Variants in GSE1 observed in about 807,000 individuals in gnomAD.
GSE1 encodes the protein Gse1 coiled-coil protein.
A neutral mutation model predicts 112.6 loss-of-function variants in GSE1; 32 were observed. The ratio of observed to expected loss-of-function variants is 0.28; its 90% CI spans 0.21 to 0.38. The LOEUF is 0.38. GSE1 is among the 10% of genes least tolerant of loss of function. The probability of loss-of-function intolerance (pLI) is 1.00; values close to 1 mark genes in which losing one functional copy is unlikely to be tolerated. For missense variants in GSE1, 2,348 were observed against 1,699.2 expected (o/e 1.38, Z -6.71); for synonymous variants, 1,115 against 735.6 (o/e 1.52, Z -8.35).
chr16:85,546,823 C>T (rs964900918), intron 2 of GSE1, among the ~76,000 whole-genome samples: 14 of 152,354 alleles, frequency 9.2e-5, no homozygotes, highest in African/African-American at 2.9e-4. Context: ...TCGTTACTGT[C>T]ACCCCTGGCC....
chr16:85,662,376 C>G (rs1358166696), intron 9 of GSE1: 1 of 153,594 alleles, frequency 6.5e-6, no homozygotes, highest in African/African-American at 2.4e-5. Context: ...TGATGCTGAA[C>G]ACTCAGGTCC....
At chr16:85,258,328 C>G (rs1475059134) in intron 1 of GSE1, among the ~76,000 whole-genome samples, 1 of 152,178 alleles carries the variant, frequency 6.6e-6, no homozygotes, top group Non-Finnish European at 1.5e-5. Flanking sequence ...TGATCTCAGC[C>G]GAGCATCTGT....
chr16:85,586,248 G>A (rs935169986), intron 1 of GSE1, among the ~76,000 whole-genome samples: 12 of 152,244 alleles, frequency 7.9e-5, no homozygotes, highest in African/African-American at 2.7e-4. Context: ...ATTTCCAGAT[G>A]AGGGCACATT....
intron 2 of GSE1, among the ~76,000 whole-genome samples, chr16:85,399,133 C>CA (rs2048033222): frequency 6.6e-6 from 1 of 152,168 alleles, no homozygotes; most frequent in Admixed American, 6.5e-5. Flanking sequence ...ATTGCACATA[C>CA]ACGTGGCTTG....
intron 2 of GSE1, among the ~76,000 whole-genome samples, chr16:85,546,072 G>A (rs1166482443): frequency 6.6e-6 from 1 of 151,044 alleles, no homozygotes; most frequent in Non-Finnish European, 1.5e-5. Context: ...GGCGGGAGCC[G>A]CCGCGCCCAG....
chr16:85,266,231 T>C lies in GSE1; in HGVS notation c.2284-91232T>C, dbSNP rs551813985. On this transcript the variant is annotated intron_variant, in intron 1 of 2. Coordinates refer to the GSE1 transcript ENST00000637419. Reference sequence around the variant, plus strand: ...GGGGGCCGTAGTGCCCCCTTCCAGCTCCGGGCGAGACTGCTGGGCATGCGT... The same window carrying C: ...GGGGGCCGTAGTGCCCCCTTCCAGCCCCGGGCGAGACTGCTGGGCATGCGT... Among the ~76,000 whole-genome samples, 41 of 152,198 alleles carry C rather than the reference T, an allele frequency of 2.7e-4. No homozygotes were observed. In the Middle Eastern group the frequency reaches 0.01, roughly 38 times the overall value.
intron 2 of GSE1, among the ~76,000 whole-genome samples, chr16:85,369,798 C>G (rs1033497686): frequency 1.3e-5 from 2 of 152,236 alleles, no homozygotes; most frequent in African/African-American, 4.8e-5. Context: ...TGTCCATGCT[C>G]ACAATTAGTC....
chr16:85,187,850 AG>A (rs1283290379), intron 1 of GSE1, among the ~76,000 whole-genome samples: 4 of 152,288 alleles, frequency 2.6e-5, no homozygotes, highest in Admixed American at 2.6e-4. Flanking sequence ...GTGGTTATTT[AG>A]GGGCAGAGGA....
chr16:85,510,926 C>T (rs1299917720), intron 2 of GSE1, among the ~76,000 whole-genome samples: 1 of 152,234 alleles, frequency 6.6e-6, no homozygotes. Context: ...AGCAGCCAAC[C>T]TTGACCACTC....
At chr16:85,369,077 G>C (rs537637003) in intron 2 of GSE1, among the ~76,000 whole-genome samples, 28 of 152,328 alleles carry the variant, frequency 1.8e-4, no homozygotes, top group African/African-American at 6.7e-4. Flanking sequence ...GGAGGTCAGA[G>C]CCCTGACTCG....
chr16:85,450,575 A>G (rs2049648766), intron 2 of GSE1, among the ~76,000 whole-genome samples: 1 of 151,646 alleles, frequency 6.6e-6, no homozygotes, highest in Admixed American at 6.6e-5. Context: ...CAGCCTCCCA[A>G]GTAGCTGGGA....
intron 2 of GSE1, among the ~76,000 whole-genome samples, chr16:85,399,454 G>A (rs2048043257): frequency 1.3e-5 from 2 of 152,200 alleles, no homozygotes; most frequent in Non-Finnish European, 2.9e-5. Context: ...GCACCCACAT[G>A]CCCCACCAGC....
At chr16:85,618,449 T>C (rs1469909190) in intron 1 of GSE1, among the ~76,000 whole-genome samples, 2 of 152,190 alleles carry the variant, frequency 1.3e-5, no homozygotes, top group Non-Finnish European at 2.9e-5. Context: ...TGTTACTGTG[T>C]CGATCAGTGC....
At chr16:85,376,777 G>A (rs935460844) in intron 2 of GSE1, among the ~76,000 whole-genome samples, 4 of 152,240 alleles carry the variant, frequency 2.6e-5, no homozygotes, top group African/African-American at 7.2e-5. Context: ...GAGAGCAGGG[G>A]GCTGGGGCTG....
At chr16:85,247,059 A>G (rs1262214407) in intron 1 of GSE1, among the ~76,000 whole-genome samples, 1 of 152,052 alleles carries the variant, frequency 6.6e-6, no homozygotes, top group East Asian at 1.9e-4. Context: ...CCCACCCCCC[A>G]GGGCTGCTGC....
At chr16:85,261,904 C>T (rs892142167) in intron 1 of GSE1, among the ~76,000 whole-genome samples, 1 of 152,160 alleles carries the variant, frequency 6.6e-6, no homozygotes, top group African/African-American at 2.4e-5. Context: ...GGGGGCTAAA[C>T]CCTCGTGTGT....
intron 1 of GSE1, among the ~76,000 whole-genome samples, chr16:85,286,397 G>A (rs1401946426): frequency 1.3e-5 from 2 of 152,196 alleles, no homozygotes; most frequent in African/African-American, 2.4e-5. Context: ...CCCGGCTGGT[G>A]CCTCATCTCC....
chr16:85,371,263 A>C (rs993199727), intron 2 of GSE1, among the ~76,000 whole-genome samples: 1 of 152,178 alleles, frequency 6.6e-6, no homozygotes, highest in African/African-American at 2.4e-5. Context: ...CCCCAAGTGG[A>C]AAGTGCTCCT....
chr16:85,523,901 C>T (rs1049029027), intron 2 of GSE1, among the ~76,000 whole-genome samples: 13 of 152,200 alleles, frequency 8.5e-5, no homozygotes, highest in African/African-American at 3.1e-4. Flanking sequence ...CCAGGCTGAG[C>T]AGAGGTGGGA....
Sources: gnomAD v4.1 joint callset for allele counts (sites outside exome capture counted in the v4.1 genomes callset) on GRCh38, gnomAD v4.1.1 for gene constraint, MANE v1.5 for transcripts, NCBI Gene and HGNC (gene_info 2026-07-23, HGNC 2026-07-21) for gene names.